IGF2BP1: variants seen among roughly 807,000 people sequenced by gnomAD.
The protein encoded by IGF2BP1 is insulin-like growth factor 2 mRNA-binding protein 1.
Under a neutral mutation model 74.9 loss-of-function variants are expected in IGF2BP1, and 11 were observed. The ratio of observed to expected loss-of-function variants is 0.15; its 90% CI spans 0.09 to 0.24. IGF2BP1 has a LOEUF of 0.24. Among genes scored for constraint, IGF2BP1 ranks in the 10% least tolerant of loss-of-function variants. The pLI is 1.00. For missense variants in IGF2BP1, 440 were observed against 757.4 expected, an observed-to-expected ratio of 0.58 and a Z score of 4.92; for synonymous variants, 287 against 281.8, an observed-to-expected ratio of 1.02 and a Z score of -0.18.
intron 7 of IGF2BP1, among the ~76,000 whole-genome samples, chr17:49,040,329 C>T (rs573095783): frequency 1.3e-5 from 2 of 152,362 alleles, no homozygotes; most frequent in African/African-American, 4.8e-5. Context: ...GATCCTCCCG[C>T]CTCAGCCTTC....
Position 48,998,028 on chromosome 17 carries a change from G to A in IGF2BP1, c.175+108G>A. The A allele has an allele frequency of 4.5e-6, 6 of 1,323,228 alleles. No homozygotes were observed. In the South Asian group the frequency reaches 6.9e-5, roughly 15 times the overall value. The allele number at this position is 1,323,228 out of a possible 1,614,324, so 82.0% of individuals were successfully genotyped here. ...CAACTCCTCTCTTCCCGGGCCTGCG[G>A]GGTTTGGCCTCCGTACCCACCCTCG... On this transcript the variant is annotated intron_variant, in intron 1 of 14. Coordinates refer to ENST00000290341, the MANE Select transcript of IGF2BP1 (RefSeq NM_006546.4).
chr17:49,034,092 T>C (rs2041954387), intron 5 of IGF2BP1, among the ~76,000 whole-genome samples: 1 of 149,408 alleles, frequency 6.7e-6, no homozygotes, highest in Non-Finnish European at 1.5e-5. Flanking sequence ...CCCAAAGTGT[T>C]AGAATTATAT....
chr17:49,031,997 TG>T, intron 5 of IGF2BP1, 24 bp downstream of exon 5: 2 of 988,108 alleles, frequency 2.0e-6, no homozygotes, highest in East Asian at 3.1e-5. Context: ...GAAGTGGGGC[TG>T]GGTGCGGTGG....
At position 49,026,462 on chromosome 17, in the gene IGF2BP1, C is replaced by G. The variant is rs200710744; in HGVS notation, c.286-4C>G. ...AAGTGTACTTCCCTTCTCCATTCTCCTAGGTACTGGACAGCCTGCTGGCTC... is the reference window on the plus strand; with the variant it reads ...AAGTGTACTTCCCTTCTCCATTCTCGTAGGTACTGGACAGCCTGCTGGCTC... On this transcript the variant is annotated splice_polypyrimidine_tract_variant and splice_region_variant and intron_variant, in intron 3 of 14. Coordinates refer to ENST00000290341, the MANE Select transcript of IGF2BP1 (RefSeq NM_006546.4). The G allele has an allele frequency of 3.1e-6, 5 of 1,613,728 alleles. No individual in the cohort carries two copies. In the Admixed American group the frequency reaches 8.3e-5, roughly 27 times the overall value.
intron 2 of IGF2BP1, among the ~76,000 whole-genome samples, chr17:49,015,679 G>C (rs532804881): frequency 1.3e-5 from 2 of 152,274 alleles, no homozygotes; most frequent in Admixed American, 6.5e-5. Context: ...TCCCCTTTGG[G>C]AGCCACTCAA....
intron 14 of IGF2BP1, among the ~76,000 whole-genome samples, chr17:49,048,635 T>C (rs1405810448): frequency 1.3e-5 from 2 of 152,004 alleles, no homozygotes; most frequent in African/African-American, 4.8e-5. Context: ...GTTACGACCC[T>C]CTACAACAGG....
intron 4 of IGF2BP1, among the ~76,000 whole-genome samples, chr17:49,030,257 T>A (rs1418227205): frequency 6.6e-6 from 1 of 151,766 alleles, no homozygotes; most frequent in Non-Finnish European, 1.5e-5. Flanking sequence ...TTCTTCTGTC[T>A]CAACCTCCCA....
intron 2 of IGF2BP1, among the ~76,000 whole-genome samples, chr17:49,024,486 C>T (rs980566286): frequency 3.9e-5 from 6 of 152,090 alleles, no homozygotes; most frequent in African/African-American, 1.4e-4. Flanking sequence ...AAGGTAGTGG[C>T]ATTATGCTGA....
rs549375483 is a variant in IGF2BP1, at chr17:49,054,056, G to A, written c.*4612G>A. The A allele has an allele frequency of 6.5e-6, 1 of 152,788 alleles. No homozygotes were observed. Among genetic ancestry groups the A allele is most frequent in the Non-Finnish European group, 1.5e-5 (1 of 68,058 alleles). The allele number at this position is 152,788 out of a possible 1,614,324, so 9.5% of individuals were successfully genotyped here. On this transcript the variant is annotated 3_prime_UTR_variant, in exon 15 of 15. Coordinates refer to ENST00000290341, the MANE Select transcript of IGF2BP1 (RefSeq NM_006546.4). ...ACATTTCTCTGTATTCAGACTTAGA[G>A]TAACACCAGCTGAAAACTGCAGTTT...
chr17:48,999,200 G>C (rs776737861), intron 2 of IGF2BP1, 31 bp downstream of exon 2: 2 of 595,206 alleles, frequency 3.4e-6, no homozygotes, highest in Non-Finnish European at 6.1e-6. Flanking sequence ...GGGGGGGTGG[G>C]GGGGCCGCGG....
chr17:49,045,120 T>C, intron 12 of IGF2BP1, 55 bp downstream of exon 12: 1 of 1,498,364 alleles, frequency 6.7e-7, no homozygotes, highest in Non-Finnish European at 9.3e-7. Context: ...GGTTGGGTAT[T>C]TCCCCTGAGG....
In IGF2BP1 at chr17:49,026,511, G is replaced by GAGC; in HGVS notation, c.333_335dup (p.Gln112dup). 6.2e-7 allele frequency: 1 copy of GAGC among 1,614,088 alleles called. No individual in the cohort carries two copies. Among genetic ancestry groups the GAGC allele is most frequent in the South Asian group, 1.1e-5 (1 of 91,078 alleles). Reference sequence around the variant, plus strand: ...TCAGTATGGTACAGTAGAGAACTGTGAGCAAGGTAAGAGTGGGCCGGGTGT... The same window carrying GAGC: ...TCAGTATGGTACAGTAGAGAACTGTGAGCAGCAAGGTAAGAGTGGGCCGGGTGT... On this transcript the variant is annotated inframe_insertion, in exon 4 of 15. Transcript: ENST00000290341.
At chr17:48,997,031 C>A (rs2041410763), upstream of IGF2BP1, among the ~76,000 whole-genome samples, 2 of 152,154 alleles carry the variant, frequency 1.3e-5, no homozygotes, top group Admixed American at 1.3e-4. This position sits in a 1 kb window ranked among gnomAD's most constrained non-coding sequence, Gnocchi z 4.8. Flanking sequence ...GGTGAGCAAC[C>A]CCGCCCCCCA....
chr17:49,047,920 G>A (rs2042125432), intron 14 of IGF2BP1, among the ~76,000 whole-genome samples: 1 of 151,946 alleles, frequency 6.6e-6, no homozygotes, highest in African/African-American at 2.4e-5. Context: ...TTCACCATGT[G>A]GCCCAGGCTG....
chr17:49,008,324 CTTG>C (rs769892360), intron 2 of IGF2BP1, among the ~76,000 whole-genome samples: 9 of 152,178 alleles, frequency 5.9e-5, no homozygotes, highest in Non-Finnish European at 1.2e-4. Context: ...GAAGAATAAT[CTTG>C]TTAAGGGTCT....
intron 6 of IGF2BP1, among the ~76,000 whole-genome samples, 199 bp downstream of exon 6, chr17:49,038,648 G>A (rs2042014754): frequency 6.6e-6 from 1 of 152,066 alleles, no homozygotes; most frequent in Non-Finnish European, 1.5e-5. Flanking sequence ...TGGGTCTGGG[G>A]TGCTAGGCCA....
At chr17:49,045,620 T>C (rs896112857) in intron 12 of IGF2BP1, among the ~76,000 whole-genome samples, 1 of 152,166 alleles carries the variant, frequency 6.6e-6, no homozygotes, top group Non-Finnish European at 1.5e-5. Context: ...TAGATTCCTC[T>C]GGGAACTATT....
chr17:49,041,506 G>C lies in IGF2BP1; in HGVS notation c.941+6G>C, dbSNP rs1187710648. ...ACAAAAATCACCATCTCCTCGTAAGGCTCTCTTCTATTTCCCTGTTTATGA... is the reference window on the plus strand; with the variant it reads ...ACAAAAATCACCATCTCCTCGTAAGCCTCTCTTCTATTTCCCTGTTTATGA... On this transcript the variant is annotated splice_donor_region_variant and intron_variant, in intron 8 of 14. Coordinates refer to ENST00000290341, the MANE Select transcript of IGF2BP1 (RefSeq NM_006546.4). 1.2e-6 allele frequency: 2 copies of C among 1,613,926 alleles called. No homozygotes were observed. Among genetic ancestry groups the C allele is most frequent in the African/African-American group, 2.7e-5 (2 of 74,908 alleles).
At chr17:49,020,729 T>C (rs1267007029) in intron 2 of IGF2BP1, among the ~76,000 whole-genome samples, 1 of 152,228 alleles carries the variant, frequency 6.6e-6, no homozygotes, top group Non-Finnish European at 1.5e-5. Flanking sequence ...ATCCCACCTA[T>C]AATTCTTTAA....
Sources: gnomAD v4.1 joint callset for allele counts (sites outside exome capture counted in the v4.1 genomes callset) on GRCh38, gnomAD v4.1.1 for gene constraint, Gnocchi (gnomAD v3.1) non-coding constraint, MANE v1.5 for transcripts, NCBI Gene and HGNC (gene_info 2026-07-23, HGNC 2026-07-21) for gene names.